The following ABCA12 variants were observed in gnomAD, a reference collection of about 807,000 sequenced individuals.
ABCA12 encodes the protein ATP binding cassette subfamily A member 12, also known as glucosylceramide transporter ABCA12.
Under a neutral mutation model 293.5 loss-of-function variants are expected in ABCA12, and 156 were observed. That is an observed-to-expected ratio of 0.53 (90% CI 0.47 to 0.61). ABCA12 has a LOEUF of 0.61. ABCA12 is among the 20% of genes least tolerant of loss of function. The probability of loss-of-function intolerance (pLI) is 0.00; values close to 1 mark genes in which losing one functional copy is unlikely to be tolerated. For synonymous variants in ABCA12, 1,063 were observed against 1,108.0 expected, an observed-to-expected ratio of 0.96 and a Z score of 0.81; for missense variants, 2,797 against 3,090.2, an observed-to-expected ratio of 0.91 and a Z score of 2.25.
Position 214,987,807 on chromosome 2 carries a change from A to T in ABCA12, c.3830-14T>A, listed in dbSNP as rs753757720. 6.2e-7 allele frequency: 1 copy of T among 1,612,562 alleles called. No individual in the cohort carries two copies. Among genetic ancestry groups the T allele is most frequent in the East Asian group, 2.2e-5 (1 of 44,814 alleles). On this transcript the variant is annotated splice_polypyrimidine_tract_variant and intron_variant, in intron 26 of 52. Transcript: ENST00000272895. Reference sequence around the variant, plus strand: ...TACCGTATGTCCCTGGAATAAAAATATATCAGGAACAGTGAGTTTTAGTTG... The same window carrying T: ...TACCGTATGTCCCTGGAATAAAAATTTATCAGGAACAGTGAGTTTTAGTTG...
intron 4 of ABCA12, 47 bp from the exon 5 acceptor site, chr2:215,052,631 AAATG>A (rs768792262): frequency 4.8e-6 from 7 of 1,455,226 alleles, no homozygotes; most frequent in Non-Finnish European, 4.8e-6. Flanking sequence ...ACACACACAC[AAATG>A]CACAGGACCA....
rs533480949 is a variant in ABCA12, at chr2:214,990,804, A to T, written c.3522T>A (p.Ile1174=). Residue 1174 remains isoleucine (I), a synonymous_variant, in exon 24 of 53, where the codon ATT becomes ATA. Transcript: ENST00000272895. ...LISVFFNNTN[I]AALIGSLIYI... ...AGATGAGGCTTCCGATCAGAGCTGC[A>T]ATGTTGGTGTTGTTGAAGAAGACAC... 1.2e-6 allele frequency: 2 copies of T among 1,614,054 alleles called. No individual in the cohort carries two copies. Among genetic ancestry groups the T allele is most frequent in the African/African-American group, 2.7e-5 (2 of 74,934 alleles).
chr2:215,007,826 C>T lies in ABCA12; in HGVS notation c.2493G>A (p.Gln831=). 1 of 1,614,012 alleles carries T rather than the reference C, an allele frequency of 6.2e-7. No individual in the cohort carries two copies. Among genetic ancestry groups the T allele is most frequent in the Non-Finnish European group, 8.5e-7 (1 of 1,179,926 alleles). The change falls in exon 19 of 53, where the codon CAG becomes CAA. Residue 831 remains glutamine, a synonymous_variant. Transcript: ENST00000272895. ...IMEKSNVTLR[Q]LAELREKSQE... is the part of the protein sequence containing the mutation. ...GAGATTTTTCTCTTAATTCCGCCAGCTGTCTCAGAGTTACATTGGACTTAA... is the reference window on the plus strand; with the variant it reads ...GAGATTTTTCTCTTAATTCCGCCAGTTGTCTCAGAGTTACATTGGACTTAA...
chr2:215,095,441 G>A (rs1449713923), intron 2 of ABCA12, among the ~76,000 whole-genome samples: 3 of 152,022 alleles, frequency 2.0e-5, no homozygotes, highest in Middle Eastern at 3.4e-3. Flanking sequence ...CATTCTATAC[G>A]ACAAATGCTC....
rs147324498 is a variant in ABCA12 at position 215,028,994 on chromosome 2, G to A, written c.1062-2056C>T. On this transcript the variant is annotated intron_variant, in intron 9 of 52. Coordinates refer to ENST00000272895, the MANE Select transcript of ABCA12 (RefSeq NM_173076.3). ...AAGATGGGATTTGAGAATCCAAGAC[G>A]TCAAAGAAGAGACAAATGAAACTAT... The A allele has an allele frequency of 5.3e-5, 8 of 152,282 alleles. No individual in the cohort carries two copies. In the East Asian group the frequency reaches 7.7e-4, roughly 15 times the overall value. 9.4% of individuals were successfully genotyped at this position (152,282 alleles called of 1,614,324 possible).
intron 34 of ABCA12, among the ~76,000 whole-genome samples, chr2:214,975,511 T>C (rs973388641): frequency 6.6e-6 from 1 of 152,224 alleles, no homozygotes. Context: ...TGGGAAGCCA[T>C]ACCTAGCCTG....
At chr2:215,097,835 T>C (rs1702278479) in intron 2 of ABCA12, among the ~76,000 whole-genome samples, 1 of 152,206 alleles carries the variant, frequency 6.6e-6, no homozygotes, top group African/African-American at 2.4e-5. Flanking sequence ...TTCTGGATTA[T>C]ATATTTAATG....
chr2:215,086,919 T>TTTATTATTA lies in ABCA12; in HGVS notation c.164-22709_164-22701dup, dbSNP rs139025147. Among the ~76,000 whole-genome samples, 961 of 151,054 alleles carry TTTATTATTA rather than the reference T, an allele frequency of 6.4e-3. 7 individuals carry two copies. Among genetic ancestry groups the TTTATTATTA allele is most frequent in the African/African-American group, 0.023 (924 of 40,656 alleles). On this transcript the variant is annotated intron_variant, in intron 2 of 52. Coordinates refer to ENST00000272895, the MANE Select transcript of ABCA12 (RefSeq NM_173076.3). ...GAACTTACCTTTCTCTAACTACCAG[T>TTTATTATTA]TTATTATTATTATTATTATTATTAT...
chr2:215,071,975 C>T (rs567143266), intron 2 of ABCA12, among the ~76,000 whole-genome samples: 13 of 152,246 alleles, frequency 8.5e-5, no homozygotes, highest in African/African-American at 3.1e-4. Flanking sequence ...ATACATTCTC[C>T]CTCCTTCTCC....
At position 214,953,922 on chromosome 2, in the gene ABCA12, C is replaced by A; in HGVS notation, c.6579G>T (p.Leu2193Phe). ...AAAAAAACATGGTGCCCTGAGAAAC[C>A]AAAGCCACAAACATTGCACCTAGTT... is the stretch of plus-strand genomic sequence containing the variant. ...MNKLGAMFVALVSQGTMFFSL... is the reference protein window; with the variant it reads ...MNKLGAMFVAFVSQGTMFFSL... The change falls in exon 44 of 53, where the codon TTG (leucine) becomes TTT (phenylalanine). Residue 2193 changes from leucine (L) to phenylalanine (F), a missense_variant. Physicochemically the swap from Leu to Phe is conservative, Grantham distance 22 (BLOSUM62 0). Coordinates refer to ENST00000272895, the MANE Select transcript of ABCA12 (RefSeq NM_173076.3). The A allele has an allele frequency of 6.2e-7, 1 of 1,613,924 alleles. No individual in the cohort carries two copies. The highest frequency in any genetic ancestry group is 1.7e-5 in the Admixed American group (1 of 59,994).
intron 3 of ABCA12, among the ~76,000 whole-genome samples, chr2:215,061,652 T>C (rs535350846): frequency 6.6e-6 from 1 of 152,200 alleles, no homozygotes; most frequent in South Asian, 2.1e-4. Context: ...CATAATTTTA[T>C]AAATTAAACT....
intron 50 of ABCA12, among the ~76,000 whole-genome samples, chr2:214,938,553 A>G (rs1574921425): frequency 6.6e-6 from 1 of 152,258 alleles, no homozygotes; most frequent in East Asian, 1.9e-4. Flanking sequence ...GTCTTCCACG[A>G]TGGTTGAACT....
chr2:214,934,780 G>A (rs2105907959), intron 51 of ABCA12, among the ~76,000 whole-genome samples: 1 of 152,126 alleles, frequency 6.6e-6, no homozygotes, highest in Non-Finnish European at 1.5e-5. Flanking sequence ...TAGTTGCCTT[G>A]GAGTATCTTT....
intron 1 of ABCA12, among the ~76,000 whole-genome samples, chr2:215,127,654 T>C (rs1702956733): frequency 6.6e-6 from 1 of 152,212 alleles, no homozygotes; most frequent in Non-Finnish European, 1.5e-5. Context: ...AATGCCTTTT[T>C]CCACCCCTTT....
At chr2:215,127,931 G>A (rs369434448) in intron 1 of ABCA12, among the ~76,000 whole-genome samples, 1 of 152,134 alleles carries the variant, frequency 6.6e-6, no homozygotes, top group Non-Finnish European at 1.5e-5. Flanking sequence ...CTGTTTTGAT[G>A]TGTTTCCAGG....
intron 1 of ABCA12, among the ~76,000 whole-genome samples, chr2:215,122,960 A>G (rs1167573155): frequency 2.6e-5 from 4 of 152,144 alleles, no homozygotes; most frequent in Admixed American, 2.6e-4. Context: ...TGGCATTCCC[A>G]GAGTATTTTT....
At chr2:215,004,890 T>A (rs987855720) in intron 19 of ABCA12, 1 of 152,204 alleles carries the variant, frequency 6.6e-6, no homozygotes, top group Non-Finnish European at 1.5e-5. Context: ...TGCAACTATG[T>A]GAATATGAAA....
chr2:214,995,894 G>C (rs910920889), intron 23 of ABCA12, among the ~76,000 whole-genome samples: 10 of 152,154 alleles, frequency 6.6e-5, no homozygotes, highest in Non-Finnish European at 1.5e-4. Context: ...GAGCTCCTCT[G>C]TTCTGGCAGA....
intron 1 of ABCA12, among the ~76,000 whole-genome samples, chr2:215,134,367 TATATATGTATATATGTAC>T (rs1559213748): frequency 2.4e-5 from 3 of 127,030 alleles, no homozygotes; most frequent in East Asian, 2.0e-4. Context: ...TGTATATGTG[TATATATGTATATATGTAC>T]ATATATGTAT....
Sources: allele counts gnomAD v4.1 joint callset (sites outside exome capture counted in the v4.1 genomes callset), GRCh38; gene constraint gnomAD v4.1.1; transcripts MANE v1.5; gene names NCBI Gene and HGNC (gene_info 2026-07-23, HGNC 2026-07-21).